Variants in FTSJ1 observed in about 807,000 individuals in gnomAD.
The protein encoded by FTSJ1 is FtsJ RNA 2'-O-methyltransferase 1, also known as tRNA (cytidine(32)/guanosine(34)-2'-O)-methyltransferase.
In FTSJ1, 3 loss-of-function variants were observed where a neutral mutation model predicts 28.5. The ratio of observed to expected loss-of-function variants is 0.11; its 90% CI spans 0.05 to 0.27. The LOEUF (loss-of-function observed/expected upper bound fraction) is 0.27. FTSJ1 is among the 10% of genes least tolerant of loss of function. The pLI, the probability that FTSJ1 is intolerant of heterozygous loss-of-function variation, is 1.00. For synonymous variants in FTSJ1, 104 were observed against 113.9 expected (o/e 0.91, Z 0.55); for missense variants, 162 against 279.0 (o/e 0.58, Z 2.99).
chrX:48,484,576 G>A (rs1485142146), intron 12 of FTSJ1, among the ~76,000 whole-genome samples: 3 of 109,050 alleles, frequency 2.8e-5, no homozygotes, highest in African/African-American at 1.0e-4. Flanking sequence ...TAGTAGAGAC[G>A]GGGTTTCACC....
chrX:48,485,307 T>G (rs1418286799), intron 12 of FTSJ1, among the ~76,000 whole-genome samples: 2 of 107,818 alleles, frequency 1.9e-5, no homozygotes, highest in Non-Finnish European at 3.9e-5. Context: ...AAAAAGGAAA[T>G]GAGTCCTAGA....
At chrX:48,479,170 C>A (rs2061552904) in intron 5 of FTSJ1, 54 bp downstream of exon 5, 2 of 754,600 alleles carry the variant, frequency 2.7e-6, no homozygotes, top group Admixed American at 4.4e-5. Context: ...GTGTGTCCTT[C>A]TCTGTATCTC....
In FTSJ1 at chrX:48,485,879, C is replaced by T. The variant is rs1356525153; in HGVS notation, c.*153C>T. The T allele has an allele frequency of 8.9e-6, 1 of 111,862 alleles. No homozygotes were observed. The highest frequency in any genetic ancestry group is 1.9e-5 in the Non-Finnish European group (1 of 53,211). 9.2% of individuals were successfully genotyped at this position (111,862 alleles called of 1,213,427 possible). On this transcript the variant is annotated 3_prime_UTR_variant, in exon 13 of 13. Transcript: ENST00000348411. Reference sequence around the variant, plus strand: ...GGATCTGCAACAACCCTGAAGACAACAAGGAAAGAAACCATGAAAGTCTGT... The same window carrying T: ...GGATCTGCAACAACCCTGAAGACAATAAGGAAAGAAACCATGAAAGTCTGT...
Position 48,478,705 on chromosome X carries a change from C to G in FTSJ1, c.280C>G (p.Gln94Glu). ...GVVQIQGDIT[Q>E]LSTAKEIIQH... ...GGTACAGATCCAGGGGGACATCACCCAGGTAAGAGCATGGCTGAGGGTGTT... is the reference window on the plus strand; with the variant it reads ...GGTACAGATCCAGGGGGACATCACCGAGGTAAGAGCATGGCTGAGGGTGTT... The change falls in exon 4 of 13, where the codon CAG becomes GAG. Residue 94 changes from glutamine (Q) to glutamate (E), a missense_variant and splice_region_variant. Physicochemically the swap from Gln to Glu is conservative, Grantham distance 29. Transcript: ENST00000348411. 2.5e-6 allele frequency: 3 copies of G among 1,178,101 alleles called. No homozygotes were observed. The highest frequency in any genetic ancestry group is 3.5e-6 in the Non-Finnish European group (3 of 866,585).
chrX:48,484,193 C>T (rs2061587613), intron 12 of FTSJ1, among the ~76,000 whole-genome samples: 1 of 109,617 alleles, frequency 9.1e-6, no homozygotes, highest in South Asian at 3.9e-4. Flanking sequence ...CCTCAGCCTC[C>T]CAAATAGCTG....
Position 48,478,506 on chromosome X carries a change from G to A in FTSJ1, c.179G>A (p.Ser60Asn). The part of the protein sequence containing the change: ...AAPGSWSQVL[S>N]QKIGGQGSGH... ...CCAGGCAGCTGGAGCCAGGTGCTGA[G>A]CCAGAAGATCGGGTAAGTGTGGGGG... is the stretch of plus-strand genomic sequence containing the variant. The change falls in exon 3 of 13, where the codon AGC becomes AAC. Residue 60 changes from serine (S) to asparagine (N), a missense_variant. Transcript: ENST00000348411. 1 of 1,210,647 alleles carries A rather than the reference G, an allele frequency of 8.3e-7. No individual in the cohort carries two copies. The highest frequency in any genetic ancestry group is 1.7e-5 in the African/African-American group (1 of 57,839).
chrX:48,476,684 G>T (rs782147438), intron 1 of FTSJ1: 1 of 130,020 alleles, frequency 7.7e-6, no homozygotes, highest in African/African-American at 3.2e-5. Context: ...GATGAGGAGG[G>T]ACGGGGAGTG....
chrX:48,476,481 G>C, intron 1 of FTSJ1, 85 bp downstream of exon 1: 1 of 288,319 alleles, frequency 3.5e-6, no homozygotes, highest in East Asian at 4.9e-5. Flanking sequence ...GGAAAGGAGG[G>C]AGGTCCGCCC....
rs782204002 is a variant in FTSJ1 at position 48,482,810 on chromosome X, T to C, written c.957+16T>C. On this transcript the variant is annotated intron_variant, in intron 11 of 12. Coordinates refer to ENST00000348411, the MANE Select transcript of FTSJ1 (RefSeq NM_012280.4). ...GGCCCCTGAGGTCTGGAAATGTGACTCTCAGCCTGCCTTGACCCCTTCCCC... is the reference window on the plus strand; with the variant it reads ...GGCCCCTGAGGTCTGGAAATGTGACCCTCAGCCTGCCTTGACCCCTTCCCC... 20 of 1,204,812 alleles carry C rather than the reference T, an allele frequency of 1.7e-5. No homozygotes were observed. The highest frequency in any genetic ancestry group is 2.0e-5 in the Non-Finnish European group (18 of 892,560).
At position 48,479,055 on chromosome X, in the gene FTSJ1, G is replaced by A; in HGVS notation, c.300G>A (p.Glu100=). 2.5e-6 allele frequency: 3 copies of A among 1,205,776 alleles called. No individual in the cohort carries two copies. Among genetic ancestry groups the A allele is most frequent in the Non-Finnish European group, 3.4e-6 (3 of 889,692 alleles). The change falls in exon 5 of 13, where the codon GAG becomes GAA. Residue 100 remains glutamate (E), a synonymous_variant. Transcript: ENST00000348411. The part of the protein sequence containing the change: ...GDITQLSTAK[E]IIQHFKGCPA... The stretch of plus-strand genomic sequence containing the variant: ...CTCCATAGCTGTCCACTGCCAAGGA[G>A]ATCATCCAGCACTTTAAGGGCTGCC...
At chrX:48,479,215 T>A in intron 5 of FTSJ1, 99 bp downstream of exon 5, 1 of 552,717 alleles carries the variant, frequency 1.8e-6, no homozygotes. Context: ...CTTCAGTTAC[T>A]CCCTGCCTCT....
chrX:48,481,831 T>G, intron 9 of FTSJ1, 116 bp downstream of exon 9: 1 of 547,317 alleles, frequency 1.8e-6, no homozygotes, highest in Non-Finnish European at 3.3e-6. Context: ...TCATGGGAAT[T>G]TTTTTCCCAA....
Position 48,478,557 on chromosome X carries a change from C to T in FTSJ1, c.191+39C>T, listed in dbSNP as rs377554812. ...TCCCAGATGGGAGACCCAGGAGGGC[C>T]GGCTGGGTGGGAGGGGCCCGGGAGC... On this transcript the variant is annotated intron_variant, in intron 3 of 12. Transcript: ENST00000348411. 2.5e-4 allele frequency: 303 copies of T among 1,191,454 alleles called. 1 individual carries two copies. In the African/African-American group the frequency reaches 4.1e-3, roughly 16 times the overall value.
intron 1 of FTSJ1, 83 bp downstream of exon 1, chrX:48,476,479 G>T (rs1556966322): frequency 7.0e-6 from 2 of 287,562 alleles, no homozygotes; most frequent in Non-Finnish European, 1.2e-5. Context: ...GGGGAAAGGA[G>T]GGAGGTCCGC....
At position 48,481,279 on chromosome X, in the gene FTSJ1, C is replaced by T; in HGVS notation, c.415-10C>T. 1 of 1,209,188 alleles carries T rather than the reference C, an allele frequency of 8.3e-7. No homozygotes were observed. The highest frequency in any genetic ancestry group is 1.1e-6 in the Non-Finnish European group (1 of 893,824). ...TCCACCTCAGCCTCAGCCGTCTGTC[C>T]TGCCCACAGGCTCTGAACATTGCTA... On this transcript the variant is annotated splice_polypyrimidine_tract_variant and intron_variant, in intron 6 of 12. Transcript: ENST00000348411.
rs966946687 is a variant in FTSJ1 at position 48,482,873 on chromosome X, G to A, written c.957+79G>A. 15 of 1,208,235 alleles carry A rather than the reference G, an allele frequency of 1.2e-5. No homozygotes were observed. The South Asian group carries it at 2.5e-4, about 20-fold the overall frequency. ...CTGACCCAAATCTCATGGTTTCTGG[G>A]GCCAAAATTCCCTTTCCTGCCTCCC... On this transcript the variant is annotated intron_variant, in intron 11 of 12. Transcript: ENST00000348411.
chrX:48,483,414 A>G (rs1556969294), intron 12 of FTSJ1: 1 of 146,501 alleles, frequency 6.8e-6, no homozygotes, highest in Non-Finnish European at 1.3e-5. Context: ...CTTGCAATAT[A>G]TATAATATAT....
In FTSJ1 at chrX:48,481,641, C is replaced by A; in HGVS notation, c.581C>A (p.Ala194Asp). Residue 194 changes from alanine to aspartate, a missense_variant, in exon 9 of 13, where the codon GCT (alanine) becomes GAT (aspartate). Ala to Asp is a moderately radical substitution (Grantham distance 126). Transcript: ENST00000348411. The stretch of plus-strand genomic sequence containing the variant: ...CACCTTCCCCTGGCAGAGGCCTTCG[C>A]TGTCTGTCAGGGCTATGACCCTCCC... Reference protein sequence around the residue: ...SSRNSSIEAFAVCQGYDPPEG... With the variant: ...SSRNSSIEAFDVCQGYDPPEG... 1 of 1,194,113 alleles carries A rather than the reference C, an allele frequency of 8.4e-7. No homozygotes were observed. Among genetic ancestry groups the A allele is most frequent in the Non-Finnish European group, 1.1e-6 (1 of 879,109 alleles).
rs150788310 is a variant in FTSJ1, at chrX:48,481,335, T to C, written c.461T>C (p.Val154Ala). 1.7e-6 allele frequency: 2 copies of C among 1,207,365 alleles called. No individual in the cohort carries two copies. Among genetic ancestry groups the C allele is most frequent in the Admixed American group, 2.2e-5 (1 of 45,583 alleles). ...THVLKPGGCF[V>A]AKIFRGRDVT... ...GTCCTGAAGCCAGGGGGCTGCTTTG[T>C]GGCCAAGGTAAGTCTCAAGGAACTT... The change falls in exon 7 of 13, where the codon GTG becomes GCG. Residue 154 changes from valine to alanine, a missense_variant. Val to Ala is a moderately conservative substitution (Grantham distance 64, BLOSUM62 0). Transcript: ENST00000348411.
Sources: gnomAD v4.1 joint callset for allele counts (sites outside exome capture counted in the v4.1 genomes callset) on GRCh38, gnomAD v4.1.1 for gene constraint, MANE v1.5 for transcripts, NCBI Gene and HGNC (gene_info 2026-07-23, HGNC 2026-07-21) for gene names.